FBXW7: variants seen among roughly 807,000 people sequenced by gnomAD.
FBXW7 encodes the protein F-box and WD repeat domain containing 7, also known as F-box/WD repeat-containing protein 7.
FBXW7 carries 11 observed loss-of-function variants against 86.3 expected under a neutral mutation model. The ratio of observed to expected loss-of-function variants is 0.13; its 90% CI spans 0.08 to 0.21. The LOEUF is 0.21. FBXW7 is among the 10% of genes least tolerant of loss of function. The pLI, the probability that FBXW7 is intolerant of heterozygous loss-of-function variation, is 1.00. For synonymous variants in FBXW7, 313 were observed against 297.9 expected, an observed-to-expected ratio of 1.05 and a Z score of -0.52; for missense variants, 488 against 847.4, an observed-to-expected ratio of 0.58 and a Z score of 5.27.
intron 2 of FBXW7, among the ~76,000 whole-genome samples, chr4:152,524,880 A>T (rs540245087): frequency 1.1e-4 from 16 of 152,364 alleles, no homozygotes; most frequent in Non-Finnish European, 1.0e-4. Context: ...CACTCACTGT[A>T]TAAGCATTCT....
intron 4 of FBXW7, among the ~76,000 whole-genome samples, chr4:152,359,692 G>A (rs1436367692): frequency 6.6e-6 from 1 of 152,096 alleles, no homozygotes; most frequent in Non-Finnish European, 1.5e-5. Context: ...GAACCCGGAA[G>A]GCAGAGGTTG....
At chr4:152,503,406 A>G (rs943905824) in intron 2 of FBXW7, among the ~76,000 whole-genome samples, 9 of 152,138 alleles carry the variant, frequency 5.9e-5, no homozygotes, top group African/African-American at 1.4e-4. Context: ...AGTAGCTGGC[A>G]TTACAGATGC....
At chr4:152,434,969 C>A (rs897741554) in intron 2 of FBXW7, among the ~76,000 whole-genome samples, 19 of 141,086 alleles carry the variant, frequency 1.3e-4, no homozygotes, top group Middle Eastern at 3.7e-3. Context: ...CCCCCCCCCC[C>A]ACACACAAGC....
rs1579325033 is a variant in FBXW7, at chr4:152,485,448, G to A, written c.-120+49493C>T. On this transcript the variant is annotated intron_variant, in intron 2 of 13. Coordinates refer to ENST00000281708, the MANE Select transcript of FBXW7 (RefSeq NM_001349798.2). ...TATAGTAATTCCAATGTTATATCAT[G>A]TATAAGACAGAGCAAATGAATAAAC... 2.6e-5 allele frequency among the ~76,000 whole-genome samples: 4 copies of A among 152,206 alleles called. No individual in the cohort carries two copies. In the South Asian group the frequency reaches 8.3e-4, roughly 32 times the overall value.
intron 4 of FBXW7, among the ~76,000 whole-genome samples, chr4:152,375,695 A>G (rs192356822): frequency 6.6e-6 from 1 of 152,286 alleles, no homozygotes; most frequent in Admixed American, 6.5e-5. Context: ...TCAGCTAAGT[A>G]AAGTCCACAA....
chr4:152,424,139 T>C (rs1331293455), intron 2 of FBXW7, among the ~76,000 whole-genome samples: 1 of 152,060 alleles, frequency 6.6e-6, no homozygotes, highest in Non-Finnish European at 1.5e-5. Flanking sequence ...AATACTGGGA[T>C]TACAGGTGAA....
chr4:152,531,124 G>A (rs1749991248), intron 2 of FBXW7, among the ~76,000 whole-genome samples: 1 of 152,054 alleles, frequency 6.6e-6, no homozygotes, highest in African/African-American at 2.4e-5. Flanking sequence ...TCCAAAAGTT[G>A]CCAAGGCAAA....
intron 2 of FBXW7, among the ~76,000 whole-genome samples, chr4:152,434,397 C>T (rs569018644): frequency 1.6e-4 from 24 of 152,210 alleles, no homozygotes; most frequent in African/African-American, 3.6e-4. Flanking sequence ...GAAAGTGAGA[C>T]GTGCAATAGC....
intron 2 of FBXW7, among the ~76,000 whole-genome samples, chr4:152,459,846 A>G (rs1560924580): frequency 1.3e-5 from 2 of 152,212 alleles, no homozygotes; most frequent in Non-Finnish European, 2.9e-5. Flanking sequence ...ATAATCACCT[A>G]TTTTCAGACC....
At chr4:152,415,471 T>C (rs1435162193) in intron 2 of FBXW7, among the ~76,000 whole-genome samples, 1 of 152,150 alleles carries the variant, frequency 6.6e-6, no homozygotes, top group Non-Finnish European at 1.5e-5. Flanking sequence ...GCAAGAAGTT[T>C]AGGATTTTCA....
intron 2 of FBXW7, among the ~76,000 whole-genome samples, chr4:152,489,176 G>T (rs1745616350): frequency 6.6e-6 from 1 of 152,054 alleles, no homozygotes; most frequent in Admixed American, 6.6e-5. Context: ...AGGGTATCAT[G>T]TATGTAAGGA....
intron 2 of FBXW7, among the ~76,000 whole-genome samples, chr4:152,446,224 A>G (rs1228051231): frequency 1.3e-5 from 2 of 152,224 alleles, no homozygotes; most frequent in Non-Finnish European, 2.9e-5. Context: ...AACCACTAGG[A>G]TAATTTCCAG....
chr4:152,508,250 G>GA (rs150420400), intron 2 of FBXW7, among the ~76,000 whole-genome samples: 1 of 151,154 alleles, frequency 6.6e-6, no homozygotes, highest in African/African-American at 2.4e-5. Context: ...TATAAGAGGG[G>GA]AAAAAAAATC....
chr4:152,415,560 TATG>T (rs979603260), intron 2 of FBXW7, among the ~76,000 whole-genome samples: 1 of 152,158 alleles, frequency 6.6e-6, no homozygotes, highest in East Asian at 1.9e-4. Context: ...TATTAATTAC[TATG>T]ATTAGGAGTA....
chr4:152,518,978 ATC>A (rs1326052514), intron 2 of FBXW7, among the ~76,000 whole-genome samples: 1 of 152,136 alleles, frequency 6.6e-6, no homozygotes, highest in African/African-American at 2.4e-5. Flanking sequence ...CAAACACCAA[ATC>A]AGCAAACAAA....
intron 5 of FBXW7, chr4:152,348,622 T>C: frequency 2.1e-6 from 1 of 476,084 alleles, no homozygotes; most frequent in Non-Finnish European, 3.0e-6. Flanking sequence ...TAATAAAAAT[T>C]CAGCACTCAT....
In FBXW7 at chr4:152,402,559, C is replaced by T. The variant is rs140849076; in HGVS notation, c.501+8744G>A. ...TTCCAAACGTTAACAAAAGTACAAC[C>T]GGGACCCAGCATAAGATCTGAGTTC... On this transcript the variant is annotated intron_variant, in intron 4 of 13. Transcript: ENST00000281708. Among the ~76,000 whole-genome samples the T allele has an allele frequency of 9.6e-3, 1,458 of 152,208 alleles. 13 individuals carry two copies. Among genetic ancestry groups the T allele is most frequent in the Non-Finnish European group, 0.014 (946 of 67,996 alleles).
intron 2 of FBXW7, among the ~76,000 whole-genome samples, chr4:152,463,098 G>A (rs1743098835): frequency 6.6e-6 from 1 of 151,884 alleles, no homozygotes; most frequent in Non-Finnish European, 1.5e-5. Flanking sequence ...GACCAGCCTG[G>A]TCAACATGGT....
chr4:152,373,749 T>C (rs1315769802), intron 4 of FBXW7, among the ~76,000 whole-genome samples: 4 of 152,048 alleles, frequency 2.6e-5, no homozygotes, highest in African/African-American at 9.7e-5. Flanking sequence ...GTAGGTCCAT[T>C]TAAGCAGTTA....
Sources: allele counts gnomAD v4.1 joint callset (sites outside exome capture counted in the v4.1 genomes callset), GRCh38; gene constraint gnomAD v4.1.1; transcripts MANE v1.5; gene names NCBI Gene and HGNC (gene_info 2026-07-23, HGNC 2026-07-21).